SGCD: variants seen among roughly 807,000 people sequenced by gnomAD.
SGCD encodes the protein sarcoglycan delta.
SGCD carries 18 observed loss-of-function variants against 36.6 expected under a neutral mutation model. The ratio of observed to expected loss-of-function variants is 0.49; its 90% CI spans 0.34 to 0.73. The LOEUF is 0.73. Among genes scored for constraint, SGCD ranks in the 30% least tolerant of loss-of-function variants. SGCD has a pLI of 0.01. For synonymous variants in SGCD, 133 were observed against 130.6 expected, an observed-to-expected ratio of 1.02 and a Z score of -0.12; for missense variants, 387 against 346.7, an observed-to-expected ratio of 1.12 and a Z score of -0.92.
chr5:155,914,016 C>A (rs116266518), intron 1 of SGCD, among the ~76,000 whole-genome samples: 9 of 152,128 alleles, frequency 5.9e-5, no homozygotes, highest in Non-Finnish European at 1.3e-4. Flanking sequence ...AGAATGTTGG[C>A]CTTTTGGGAT....
At chr5:156,438,897 G>A (rs1009728460) in intron 3 of SGCD, among the ~76,000 whole-genome samples, 2 of 152,108 alleles carry the variant, frequency 1.3e-5, no homozygotes, top group Non-Finnish European at 2.9e-5. Context: ...AGCTTTCAAA[G>A]AATTAAGTCT....
intron 7 of SGCD, among the ~76,000 whole-genome samples, chr5:156,722,045 C>T (rs1755534868): frequency 6.6e-6 from 1 of 152,172 alleles, no homozygotes; most frequent in African/African-American, 2.4e-5. Context: ...TCTTGAATGA[C>T]TGTGATCTCT....
chr5:155,733,921 C>T, the SGCD span, among the ~76,000 whole-genome samples: 6 of 152,004 alleles, frequency 3.9e-5, no homozygotes, highest in East Asian at 1.9e-4. Context: ...TGGTGTCCTG[C>T]GCACCTGTCA....
chr5:156,685,115 A>C (rs1013849497), intron 7 of SGCD, among the ~76,000 whole-genome samples: 4 of 152,198 alleles, frequency 2.6e-5, no homozygotes, highest in African/African-American at 4.8e-5. Flanking sequence ...CCTTGAAAGC[A>C]GAAGATTAAA....
chr5:155,736,820 ATGT>A, the SGCD span, among the ~76,000 whole-genome samples: 4 of 151,584 alleles, frequency 2.6e-5, no homozygotes, highest in South Asian at 8.6e-4. Flanking sequence ...CAGTAACTTG[ATGT>A]TGTGGTTATG....
the SGCD span, among the ~76,000 whole-genome samples, chr5:155,805,694 G>A: frequency 3.3e-5 from 5 of 152,206 alleles, no homozygotes; most frequent in Non-Finnish European, 5.9e-5. Flanking sequence ...AGTGTTGCAC[G>A]AAAGCTACAG....
intron 3 of SGCD, among the ~76,000 whole-genome samples, chr5:156,396,127 A>G (rs1453772959): frequency 6.6e-6 from 1 of 152,014 alleles, no homozygotes; most frequent in Non-Finnish European, 1.5e-5. Flanking sequence ...GTGCTTCCAC[A>G]CTCTCCCCAC....
chr5:155,915,277 T>A (rs151210753), intron 1 of SGCD, among the ~76,000 whole-genome samples: 8 of 152,196 alleles, frequency 5.3e-5, no homozygotes, highest in African/African-American at 1.7e-4. Flanking sequence ...ATGCACTCTA[T>A]GTGTGTCTAT....
chr5:156,348,772 C>T (rs1275914574), intron 3 of SGCD, among the ~76,000 whole-genome samples: 2 of 151,766 alleles, frequency 1.3e-5, no homozygotes, highest in Non-Finnish European at 2.9e-5. Context: ...CATATGGAAC[C>T]AAAAAGAGTC....
rs1393073260 is a variant in SGCD, at chr5:156,530,871, T to A, written c.294+22169T>A. ...GGGATTACAGGCGTGAGCCACCGTGTCTGGCCGCCATGCTTTATTTCTATT... is the reference window on the plus strand; with the variant it reads ...GGGATTACAGGCGTGAGCCACCGTGACTGGCCGCCATGCTTTATTTCTATT... On this transcript the variant is annotated intron_variant, in intron 4 of 8. Transcript: ENST00000337851. Among the ~76,000 whole-genome samples, 3 of 151,662 alleles carry A rather than the reference T, an allele frequency of 2.0e-5. No individual in the cohort carries two copies. The East Asian group carries it at 5.9e-4, about 30-fold the overall frequency.
At chr5:156,176,330 G>T (rs895332796) in intron 3 of SGCD, among the ~76,000 whole-genome samples, 1 of 152,090 alleles carries the variant, frequency 6.6e-6, no homozygotes, top group Non-Finnish European at 1.5e-5. Context: ...TGGCTTATAG[G>T]CTTCGTTCAA....
intron 1 of SGCD, among the ~76,000 whole-genome samples, chr5:156,015,137 A>G (rs944232333): frequency 6.6e-6 from 1 of 152,206 alleles, no homozygotes; most frequent in African/African-American, 2.4e-5. Context: ...CTTGGTTGCA[A>G]AATGGTGTTT....
chr5:156,528,620 C>T (rs1035968003), intron 4 of SGCD, among the ~76,000 whole-genome samples: 10 of 152,092 alleles, frequency 6.6e-5, no homozygotes, highest in African/African-American at 1.2e-4. Flanking sequence ...GACAGTGGCA[C>T]GAGCAGCTAT....
intron 5 of SGCD, among the ~76,000 whole-genome samples, chr5:156,590,479 T>G (rs1581218227): frequency 1.3e-5 from 2 of 152,284 alleles, no homozygotes; most frequent in East Asian, 3.9e-4. Context: ...ATATAACATC[T>G]GGCCCACAGT....
intron 7 of SGCD, among the ~76,000 whole-genome samples, chr5:156,697,047 C>T (rs1463101244): frequency 1.3e-5 from 2 of 151,634 alleles, no homozygotes; most frequent in Non-Finnish European, 2.9e-5. Flanking sequence ...TTAACACTGA[C>T]ATCTTTTTTT....
At chr5:156,712,018 G>A (rs1282721245) in intron 7 of SGCD, among the ~76,000 whole-genome samples, 1 of 152,210 alleles carries the variant, frequency 6.6e-6, no homozygotes, top group African/African-American at 2.4e-5. Context: ...AACTATCATA[G>A]TTTGGTGGGA....
In SGCD at chr5:156,333,832, C is replaced by G. The variant is rs1382208779; in HGVS notation, c.3+4253C>G. 6.5e-4 allele frequency among the ~76,000 whole-genome samples: 22 copies of G among 33,980 alleles called. No individual in the cohort carries two copies. The Admixed American group carries it at 8.8e-3, about 14-fold the overall frequency. The allele number at this position is 33,980 out of a possible 152,430, so 22.3% of individuals were successfully genotyped here. A position where few individuals can be genotyped will look rare whatever the true frequency, so the allele number is the denominator to read the frequency against. ...TTTTTTTTTTTTTTGCTATTTGTCT[C>G]TAAGTATTGCTCAAAATCTGTGTGT... On this transcript the variant is annotated intron_variant, in intron 2 of 8. Transcript: ENST00000337851.
chr5:156,711,200 G>C (rs962352138), intron 7 of SGCD, among the ~76,000 whole-genome samples: 16 of 152,042 alleles, frequency 1.1e-4, no homozygotes, highest in South Asian at 6.2e-4. Context: ...TGGTCAAGAG[G>C]GGGGGTCCAT....
chr5:155,857,819 A>T, the SGCD span, among the ~76,000 whole-genome samples: 1 of 152,194 alleles, frequency 6.6e-6, no homozygotes, highest in Non-Finnish European at 1.5e-5. Context: ...ATGTACTTAG[A>T]TGTTACTTTT....
Sources: gnomAD v4.1 joint callset for allele counts (sites outside exome capture counted in the v4.1 genomes callset) on GRCh38, gnomAD v4.1.1 for gene constraint, MANE v1.5 for transcripts, NCBI Gene and HGNC (gene_info 2026-07-23, HGNC 2026-07-21) for gene names.